Variants in REV3L observed in about 807,000 individuals in gnomAD.
REV3L encodes REV3 like, DNA directed polymerase zeta catalytic subunit, also known as DNA polymerase zeta catalytic subunit.
REV3L carries 69 observed loss-of-function variants against 299.4 expected under a neutral mutation model. The observed-to-expected ratio is 0.23, with a 90% CI of 0.19 to 0.28. The LOEUF is 0.28. Among genes scored for constraint, REV3L ranks in the 10% least tolerant of loss-of-function variants. REV3L has a pLI of 1.00. For missense variants in REV3L, 3,128 were observed against 3,693.8 expected (o/e 0.85, Z 3.97); for synonymous variants, 1,238 against 1,271.4 (o/e 0.97, Z 0.56).
In REV3L at chr6:111,334,116, T is replaced by C. The variant is rs142480113; in HGVS notation, c.7681-749A>G. ...ATCATGCCCAGCTAATTTTTGTATT[T>C]TTAGTAGAGATGGGGTTTCATCATG... On this transcript the variant is annotated intron_variant, in intron 22 of 31. Coordinates refer to ENST00000368802, the MANE Select transcript of REV3L (RefSeq NM_001372078.1). Among the ~76,000 whole-genome samples, 592 of 152,214 alleles carry C rather than the reference T, an allele frequency of 3.9e-3. 4 individuals carry two copies. The highest frequency in any genetic ancestry group is 7.0e-3 in the Non-Finnish European group (475 of 68,002).
At chr6:111,350,648 C>T (rs1345840948) in intron 19 of REV3L, among the ~76,000 whole-genome samples, 1 of 152,060 alleles carries the variant, frequency 6.6e-6, no homozygotes, top group African/African-American at 2.4e-5. Flanking sequence ...GTGATCATAG[C>T]TCACTGCAGC....
rs770815909 is a variant in REV3L at position 111,329,535 on chromosome 6, A to G, written c.8238T>C (p.Ile2746=). ...ACTACAGATTTGTATCACTTACCTCAATGCATGGCATTCTCCCAGAAAAAT... is the reference window on the plus strand; with the variant it reads ...ACTACAGATTTGTATCACTTACCTCGATGCATGGCATTCTCCCAGAAAAAT... ...SANFSGRMPC[I]EVGDSIVHKA... The change falls in exon 25 of 32, where the codon ATT becomes ATC. Residue 2746 remains isoleucine, a synonymous_variant. Coordinates refer to ENST00000368802, the MANE Select transcript of REV3L (RefSeq NM_001372078.1). 6 of 1,613,814 alleles carry G rather than the reference A, an allele frequency of 3.7e-6. No individual in the cohort carries two copies. The highest frequency in any genetic ancestry group is 5.1e-6 in the Non-Finnish European group (6 of 1,179,890).
chr6:111,314,445 A>G (rs1283288754), intron 27 of REV3L, among the ~76,000 whole-genome samples: 1 of 152,170 alleles, frequency 6.6e-6, no homozygotes, highest in Non-Finnish European at 1.5e-5. Flanking sequence ...CCCAACCCTC[A>G]TGTTGTGAGG....
chr6:111,352,661 C>T (rs750871688), intron 18 of REV3L, among the ~76,000 whole-genome samples: 12 of 152,092 alleles, frequency 7.9e-5, no homozygotes, highest in African/African-American at 2.2e-4. Flanking sequence ...ACAAGTTTGT[C>T]CTTTAAATTT....
rs770174777 is a variant in REV3L, at chr6:111,439,259, G to A, written c.140-22787C>T. On this transcript the variant is annotated intron_variant, in intron 1 of 31. Coordinates refer to ENST00000368802, the MANE Select transcript of REV3L (RefSeq NM_001372078.1). ...AAATTTGAGCGATTTTCTTATTTGA[G>A]TTCAAAATGGGTTGTAAAATAGCAG... 2.6e-4 allele frequency among the ~76,000 whole-genome samples: 39 copies of A among 152,278 alleles called. 1 individual carries two copies. Among genetic ancestry groups the A allele is most frequent in the Non-Finnish European group, 5.4e-4 (37 of 68,022 alleles).
chr6:111,405,050 A>G (rs2128273992), intron 4 of REV3L, among the ~76,000 whole-genome samples: 1 of 152,280 alleles, frequency 6.6e-6, no homozygotes, highest in South Asian at 2.1e-4. Flanking sequence ...AGGGATTTCT[A>G]GAATTGTGTA....
intron 31 of REV3L, 60 bp downstream of exon 31, chr6:111,307,301 C>CTATA: frequency 1.4e-6 from 2 of 1,409,210 alleles, no homozygotes; most frequent in Admixed American, 3.4e-5. Context: ...TCAAGAGTGA[C>CTATA]TATATCTTCC....
intron 20 of REV3L, among the ~76,000 whole-genome samples, chr6:111,344,346 T>C (rs1293184025): frequency 8.4e-6 from 1 of 119,606 alleles, no homozygotes; most frequent in Non-Finnish European, 2.1e-5. Context: ...CATGATAATA[T>C]ACATATTGAC....
At chr6:111,443,540 C>T (rs781419513) in intron 1 of REV3L, among the ~76,000 whole-genome samples, 15 of 152,138 alleles carry the variant, frequency 9.9e-5, no homozygotes, top group Non-Finnish European at 1.8e-4. Flanking sequence ...TTTTGAGCCT[C>T]GTTTTTAAAT....
At chr6:111,344,519 A>G (rs562380439) in intron 20 of REV3L, among the ~76,000 whole-genome samples, 3 of 152,316 alleles carry the variant, frequency 2.0e-5, no homozygotes, top group African/African-American at 4.8e-5. Flanking sequence ...ACCCCACTAC[A>G]CAGACATTAT....
At chr6:111,427,648 T>C (rs369405939) in intron 1 of REV3L, among the ~76,000 whole-genome samples, 1 of 152,198 alleles carries the variant, frequency 6.6e-6, no homozygotes, top group Non-Finnish European at 1.5e-5. Flanking sequence ...GCACCAAGCA[T>C]GCAGAAAACT....
chr6:111,445,583 T>A (rs1403609739), intron 1 of REV3L, among the ~76,000 whole-genome samples: 1 of 152,186 alleles, frequency 6.6e-6, no homozygotes, highest in African/African-American at 2.4e-5. Flanking sequence ...TGTACAAGGC[T>A]TTATAAAGGT....
At chr6:111,454,913 A>T (rs1225099667) in intron 1 of REV3L, among the ~76,000 whole-genome samples, 1 of 151,978 alleles carries the variant, frequency 6.6e-6, no homozygotes, top group Non-Finnish European at 1.5e-5. Context: ...TGATCCACCC[A>T]CCTCAGCCTC....
rs955175188 is a variant in REV3L, at chr6:111,359,108, T to C, written c.6880-94A>G. On this transcript the variant is annotated intron_variant, in intron 16 of 31. Coordinates refer to ENST00000368802, the MANE Select transcript of REV3L (RefSeq NM_001372078.1). ...GCTCTAGGGAAATATGTATGTAAGA[T>C]TACAGAAAAAATGGACATAAAGGAC... is the stretch of plus-strand genomic sequence containing the variant. The C allele has an allele frequency of 9.6e-6, 10 of 1,043,218 alleles. No individual in the cohort carries two copies. The Admixed American group carries it at 2.5e-4, about 26-fold the overall frequency. 64.6% of individuals were successfully genotyped at this position (1,043,218 alleles called of 1,614,324 possible).
chr6:111,470,133 G>GA (rs1002974407), intron 1 of REV3L, among the ~76,000 whole-genome samples: 24 of 145,578 alleles, frequency 1.6e-4, no homozygotes, highest in African/African-American at 3.5e-4. Flanking sequence ...TATTGCTTCA[G>GA]AAAAAAAAAA....
intron 1 of REV3L, among the ~76,000 whole-genome samples, chr6:111,437,557 A>T (rs1562311274): frequency 6.6e-6 from 1 of 151,416 alleles, no homozygotes. Flanking sequence ...TATAGAGAAA[A>T]ATTTTAAATA....
chr6:111,335,472 T>G lies in REV3L; in HGVS notation c.7677A>C (p.Ser2559=), dbSNP rs529053046. The G allele has an allele frequency of 9.9e-6, 16 of 1,610,418 alleles. No individual in the cohort carries two copies. Among genetic ancestry groups the G allele is most frequent in the Non-Finnish European group, 1.4e-5 (16 of 1,178,516 alleles). Residue 2559 remains serine (S), a synonymous_variant, in exon 22 of 32, where the codon TCA becomes TCC. Transcript: ENST00000368802. ...TGCAAGAAAACTGATTTCCCACCTG[T>G]GAACCCCTTGTCAGTACATGTAAAA... The part of the protein sequence containing the change: ...IQFLHVLTRG[S]QYRVESMMLR...
At chr6:111,355,292 G>T (rs1777977742) in intron 18 of REV3L, among the ~76,000 whole-genome samples, 1 of 152,088 alleles carries the variant, frequency 6.6e-6, no homozygotes, top group African/African-American at 2.4e-5. Context: ...CCAGACCTGA[G>T]TTTAAGAGTT....
At chr6:111,410,452 GAAAGGGA>G (rs1784131422) in intron 3 of REV3L, among the ~76,000 whole-genome samples, 1 of 152,178 alleles carries the variant, frequency 6.6e-6, no homozygotes, top group Admixed American at 6.5e-5. Flanking sequence ...TTGTGGACGA[GAAAGGGA>G]AAAATGACTG....
Sources: allele counts gnomAD v4.1 joint callset (sites outside exome capture counted in the v4.1 genomes callset), GRCh38; gene constraint gnomAD v4.1.1; transcripts MANE v1.5; gene names NCBI Gene and HGNC (gene_info 2026-07-23, HGNC 2026-07-21).